The following ZNF484 variants were observed in gnomAD, a reference collection of about 807,000 sequenced individuals.
ZNF484 encodes the protein KRAB box containing C2H2 type zinc finger bA526D8.4.
ZNF484 carries 11 observed loss-of-function variants against 12.9 expected under a neutral mutation model. The ratio of observed to expected loss-of-function variants is 0.85; its 90% CI spans 0.54 to 1.41. The LOEUF (loss-of-function observed/expected upper bound fraction) is 1.41. ZNF484 is among the 40% of genes most tolerant of loss of function. ZNF484 has a pLI of 0.00. For synonymous variants in ZNF484, 289 were observed against 334.1 expected, an observed-to-expected ratio of 0.86 and a Z score of 1.47; for missense variants, 807 against 1,007.7, an observed-to-expected ratio of 0.80 and a Z score of 2.70.
At chr9:92,877,158 A>T (rs184955105) in intron 1 of ZNF484, among the ~76,000 whole-genome samples, 6 of 152,304 alleles carry the variant, frequency 3.9e-5, no homozygotes, top group Non-Finnish European at 5.9e-5. Flanking sequence ...ACTTAAAGAA[A>T]CTTTACAACC....
At chr9:92,869,559 C>T (rs1857308688) in intron 2 of ZNF484, among the ~76,000 whole-genome samples, 1 of 152,060 alleles carries the variant, frequency 6.6e-6, no homozygotes, top group Admixed American at 6.5e-5. Context: ...CCCATCTCTA[C>T]TAAATAAATA....
In ZNF484 at chr9:92,846,041, C is replaced by T. The variant is rs111396236; in HGVS notation, c.*187G>A. ...CCATGAATTTATAAAACTGTTTGCC[C>T]AAAAAGTGAAACAAGAAAGACTGCC... On this transcript the variant is annotated 3_prime_UTR_variant, in exon 5 of 5. Transcript: ENST00000375495. 1.6e-6 allele frequency: 1 copy of T among 624,734 alleles called. No homozygotes were observed. The highest frequency in any genetic ancestry group is 2.7e-6 in the Non-Finnish European group (1 of 375,986). 38.7% of individuals were successfully genotyped at this position (624,734 alleles called of 1,614,324 possible).
rs914641567 is a variant in ZNF484, at chr9:92,844,712, A to G, written c.*1516T>C. 6.6e-6 allele frequency among the ~76,000 whole-genome samples: 1 copy of G among 152,236 alleles called. No individual in the cohort carries two copies. Among genetic ancestry groups the G allele is most frequent in the African/African-American group, 2.4e-5 (1 of 41,464 alleles). On this transcript the variant is annotated 3_prime_UTR_variant, in exon 5 of 5. Coordinates refer to ENST00000375495, the MANE Select transcript of ZNF484 (RefSeq NM_031486.4). ...CTATATTCAGTAAAAGTATCCTTCA[A>G]AAATGAAGGCAAAATAAAACACTGC... is the stretch of plus-strand genomic sequence containing the variant.
At chr9:92,861,234 A>G (rs1856765594) in intron 2 of ZNF484, among the ~76,000 whole-genome samples, 1 of 152,358 alleles carries the variant, frequency 6.6e-6, no homozygotes, top group Middle Eastern at 3.4e-3. Flanking sequence ...TGATATTCAG[A>G]ATGTCCTGAA....
chr9:92,848,056 A>AT lies in ZNF484; in HGVS notation c.730dup (p.Ile244AsnfsTer4), dbSNP rs780550088. 1 of 1,614,170 alleles carries AT rather than the reference A, an allele frequency of 6.2e-7. No homozygotes were observed. The highest frequency in any genetic ancestry group is 8.5e-7 in the Non-Finnish European group (1 of 1,180,026). ...CAAATAGAGGCTCTCTCTAGTATGA[A>AT]TTTTCTGTTGTTGAATGAGAGCTTG... On this transcript the variant is annotated frameshift_variant, in exon 5 of 5. Coordinates refer to ENST00000375495, the MANE Select transcript of ZNF484 (RefSeq NM_031486.4). LOFTEE classifies it low-confidence loss of function (END_TRUNC). This position sits in a 1 kb window ranked among gnomAD's most constrained non-coding sequence, Gnocchi z 4.1.
intron 2 of ZNF484, among the ~76,000 whole-genome samples, chr9:92,868,105 T>C (rs752346885): frequency 6.6e-6 from 1 of 152,228 alleles, no homozygotes. Context: ...GGAGGTCATA[T>C]GTCCAAAATA....
At chr9:92,850,677 G>A (rs994967136) in intron 4 of ZNF484, among the ~76,000 whole-genome samples, 9 of 152,112 alleles carry the variant, frequency 5.9e-5, no homozygotes, top group South Asian at 2.1e-4. Context: ...TCCGCCTCCC[G>A]GGTTCAAGCA....
At chr9:92,872,490 C>CA (rs537371475) in intron 2 of ZNF484, among the ~76,000 whole-genome samples, 537 of 47,414 alleles carry the variant, frequency 0.011, 26 homozygotes, top group Non-Finnish European at 0.014. Context: ...ATCTCTGCCT[C>CA]AAAAAAAAAA....
rs1415087961 is a variant in ZNF484, at chr9:92,846,502, T to C, written c.2285A>G (p.Gln762Arg). 6.2e-7 allele frequency: 1 copy of C among 1,614,034 alleles called. No individual in the cohort carries two copies. Among genetic ancestry groups the C allele is most frequent in the South Asian group, 1.1e-5 (1 of 91,072 alleles). ...DCGKSFIKKS[Q>R]LHEHHRIHTG... ...GTGAATTCGATGATGCTCATGGAGT[T>C]GTGATTTCTTAATGAAAGACTTGCC... Residue 762 changes from glutamine (Q) to arginine (R), a missense_variant, in exon 5 of 5, where the codon CAA becomes CGA. Coordinates refer to ENST00000375495, the MANE Select transcript of ZNF484 (RefSeq NM_031486.4).
At chr9:92,850,879 G>A (rs1270815730) in intron 4 of ZNF484, among the ~76,000 whole-genome samples, 2 of 152,178 alleles carry the variant, frequency 1.3e-5, no homozygotes, top group Non-Finnish European at 2.9e-5. Flanking sequence ...TTACAGGTGT[G>A]AGCCACCGTG....
rs59372760 is a variant in ZNF484, at chr9:92,872,231, CAAAAAAAAAA to C, written c.15+2774_15+2783del. On this transcript the variant is annotated intron_variant, in intron 2 of 4. Coordinates refer to ENST00000375495, the MANE Select transcript of ZNF484 (RefSeq NM_031486.4). Reference sequence around the variant, plus strand: ...GGGCAACAAGAGCAAATCTCTGCCTCAAAAAAAAAAAAAAAAAAAAAAAAAAGTTAAAGCA... The same window carrying C: ...GGGCAACAAGAGCAAATCTCTGCCTCAAAAAAAAAAAAAAAAGTTAAAGCA... Among the ~76,000 whole-genome samples the C allele has an allele frequency of 1.4e-3, 62 of 45,606 alleles. 4 individuals are homozygous for C. In the East Asian group the frequency reaches 0.031, roughly 23 times the overall value. The allele number at this position is 45,606 out of a possible 152,430, so 29.9% of individuals were successfully genotyped here. A position where few individuals can be genotyped will look rare whatever the true frequency, so the allele number is the denominator to read the frequency against.
intron 4 of ZNF484, among the ~76,000 whole-genome samples, chr9:92,852,088 T>C (rs1478678729): frequency 6.6e-6 from 1 of 152,244 alleles, no homozygotes; most frequent in East Asian, 1.9e-4. Context: ...CCTCTGCTTA[T>C]AACACAAATT....
intron 4 of ZNF484, among the ~76,000 whole-genome samples, chr9:92,849,014 C>T (rs1855893050): frequency 6.6e-6 from 1 of 152,016 alleles, no homozygotes; most frequent in Non-Finnish European, 1.5e-5. Context: ...GTAAGCCCAG[C>T]ACTTTGGGAG....
At chr9:92,869,204 G>C (rs1857284881) in intron 2 of ZNF484, among the ~76,000 whole-genome samples, 1 of 151,950 alleles carries the variant, frequency 6.6e-6, no homozygotes, top group Non-Finnish European at 1.5e-5. Flanking sequence ...TTAATATATT[G>C]AGAAGGTATT....
chr9:92,858,045 T>C (rs1309062542), intron 2 of ZNF484, among the ~76,000 whole-genome samples: 1 of 151,748 alleles, frequency 6.6e-6, no homozygotes, highest in Non-Finnish European at 1.5e-5. Context: ...CAACTTATTA[T>C]ACACAGTGTT....
At chr9:92,872,086 C>T (rs1857466721) in intron 2 of ZNF484, among the ~76,000 whole-genome samples, 1 of 152,018 alleles carries the variant, frequency 6.6e-6, no homozygotes, top group South Asian at 2.1e-4. Flanking sequence ...ACAAAATTAG[C>T]AGGGCGTGGT....
Position 92,848,493 on chromosome 9 carries a change from C to T in ZNF484, c.294G>A (p.Gln98=), listed in dbSNP as rs148641816. The change falls in exon 5 of 5, where the codon CAG becomes CAA. Residue 98 remains glutamine (Q), a synonymous_variant. Transcript: ENST00000375495. The surrounding 1 kb of genome is among the most constrained non-coding windows in gnomAD (Gnocchi z 4.1). ...TGAAGAGATTAATATTAATCTCAGA[C>T]TGGAAAGAAACTTCTTCAGACATCC... ...QQRMSEEVSF[Q]SEININLFTR... The T allele has an allele frequency of 6.9e-3, 11,194 of 1,611,732 alleles. 60 individuals are homozygous for T. Among genetic ancestry groups the T allele is most frequent in the Middle Eastern group, 0.015 (91 of 6,058 alleles).
intron 2 of ZNF484, among the ~76,000 whole-genome samples, chr9:92,867,515 A>G (rs941944556): frequency 2.0e-5 from 3 of 152,120 alleles, no homozygotes; most frequent in African/African-American, 7.2e-5. Flanking sequence ...AACAACAACA[A>G]AAAAACAAAC....
At chr9:92,856,115 C>T in intron 3 of ZNF484, 77 bp downstream of exon 3, 1 of 1,576,414 alleles carries the variant, frequency 6.3e-7, no homozygotes, top group South Asian at 1.2e-5. Context: ...AAAACACAGA[C>T]TTCAGCAATT....
Sources: allele counts gnomAD v4.1 joint callset (sites outside exome capture counted in the v4.1 genomes callset), GRCh38; gene constraint gnomAD v4.1.1; non-coding constraint Gnocchi (gnomAD v3.1); transcripts MANE v1.5; gene names NCBI Gene and HGNC (gene_info 2026-07-23, HGNC 2026-07-21).